PRKCA: variants seen among roughly 807,000 people sequenced by gnomAD.
PRKCA encodes protein kinase C alpha.
Under a neutral mutation model 87.0 loss-of-function variants are expected in PRKCA, and 27 were observed. The observed-to-expected ratio is 0.31, with a 90% CI of 0.23 to 0.43. The LOEUF (loss-of-function observed/expected upper bound fraction) is 0.43, where lower values mean the gene tolerates loss of function less well. Ranked by LOEUF, PRKCA falls within the 20% of genes least tolerant of loss-of-function variation. The pLI is 1.00. For synonymous variants in PRKCA, 329 were observed against 311.1 expected, an observed-to-expected ratio of 1.06 and a Z score of -0.61; for missense variants, 518 against 852.3, an observed-to-expected ratio of 0.61 and a Z score of 4.88.
intron 3 of PRKCA, among the ~76,000 whole-genome samples, chr17:66,615,446 T>C (rs1970489273): frequency 1.3e-5 from 2 of 152,158 alleles, no homozygotes; most frequent in Admixed American, 1.3e-4. Flanking sequence ...GTGAACCTTG[T>C]ATGTAGCTCT....
intron 2 of PRKCA, among the ~76,000 whole-genome samples, chr17:66,388,584 T>A (rs1312869106): frequency 6.6e-6 from 1 of 152,210 alleles, no homozygotes; most frequent in African/African-American, 2.4e-5. Context: ...CATGAGCCAC[T>A]GTGCCCAGCC....
chr17:66,723,395 G>A lies in PRKCA; in HGVS notation c.919-9293G>A, dbSNP rs1370093378. ...TGTAATCCCAACACTTTGGGAGGCT[G>A]AGGCAGGTGGATCACTTGAGGTCAG... On this transcript the variant is annotated intron_variant, in intron 8 of 16. Coordinates refer to ENST00000413366, the MANE Select transcript of PRKCA (RefSeq NM_002737.3). Among the ~76,000 whole-genome samples, 4 of 152,328 alleles carry A rather than the reference G, an allele frequency of 2.6e-5. No individual in the cohort carries two copies. In the South Asian group the frequency reaches 6.2e-4, roughly 24 times the overall value.
chr17:66,530,270 G>A (rs1476053278), intron 3 of PRKCA, among the ~76,000 whole-genome samples: 2 of 152,150 alleles, frequency 1.3e-5, no homozygotes, highest in Non-Finnish European at 2.9e-5. Context: ...ACACATGAAT[G>A]TATTTTATTG....
intron 3 of PRKCA, among the ~76,000 whole-genome samples, chr17:66,533,566 T>C (rs1044274340): frequency 6.6e-6 from 1 of 152,166 alleles, no homozygotes; most frequent in African/African-American, 2.4e-5. Context: ...CGTGGTAGGG[T>C]CAGCCTTCTG....
At chr17:66,324,157 A>G (rs1301345156) in intron 2 of PRKCA, among the ~76,000 whole-genome samples, 1 of 152,164 alleles carries the variant, frequency 6.6e-6, no homozygotes, top group Non-Finnish European at 1.5e-5. Flanking sequence ...ATGGTCAATA[A>G]CACTTGGACC....
chr17:66,707,738 C>G (rs1287069388), intron 8 of PRKCA, among the ~76,000 whole-genome samples: 1 of 152,096 alleles, frequency 6.6e-6, no homozygotes, highest in African/African-American at 2.4e-5. Flanking sequence ...GACCTTGTAC[C>G]TTATCTCCAC....
At chr17:66,522,503 G>T (rs565702485) in intron 3 of PRKCA, among the ~76,000 whole-genome samples, 3 of 152,094 alleles carry the variant, frequency 2.0e-5, no homozygotes, top group Non-Finnish European at 2.9e-5. Context: ...GGATGGAAAT[G>T]GAAGCTCCTG....
chr17:66,375,416 G>T (rs554229928), intron 2 of PRKCA, among the ~76,000 whole-genome samples: 2 of 152,296 alleles, frequency 1.3e-5, no homozygotes, highest in South Asian at 4.1e-4. Context: ...TATAGTGATG[G>T]ATGCTTCATT....
chr17:66,482,350 A>G (rs1321495804), intron 2 of PRKCA, among the ~76,000 whole-genome samples: 1 of 152,156 alleles, frequency 6.6e-6, no homozygotes, highest in Non-Finnish European at 1.5e-5. Flanking sequence ...GAGGTAAGGA[A>G]GAATCATGAG....
intron 16 of PRKCA, among the ~76,000 whole-genome samples, chr17:66,799,863 G>A (rs989010924): frequency 3.9e-5 from 6 of 152,002 alleles, no homozygotes; most frequent in Admixed American, 6.5e-5. Flanking sequence ...AAAAGGAGAC[G>A]ATGTTTCTCA....
At chr17:66,354,535 C>A (rs1185946184) in intron 2 of PRKCA, among the ~76,000 whole-genome samples, 1 of 152,018 alleles carries the variant, frequency 6.6e-6, no homozygotes, top group Non-Finnish European at 1.5e-5. Context: ...GATTAAAACC[C>A]CTCTTCATTT....
intron 8 of PRKCA, among the ~76,000 whole-genome samples, chr17:66,705,798 C>T (rs903252705): frequency 6.6e-6 from 1 of 152,126 alleles, no homozygotes; most frequent in African/African-American, 2.4e-5. Flanking sequence ...TAAACATTGG[C>T]ACAAGTCTTC....
At chr17:66,768,264 G>T (rs1445836896) in intron 13 of PRKCA, among the ~76,000 whole-genome samples, 13 of 127,880 alleles carry the variant, frequency 1.0e-4, no homozygotes, top group South Asian at 2.5e-4. Flanking sequence ...TTTTTTTTGG[G>T]GGGGAGAGAT....
At chr17:66,720,900 G>A (rs897844412) in intron 8 of PRKCA, among the ~76,000 whole-genome samples, 3 of 152,060 alleles carry the variant, frequency 2.0e-5, no homozygotes, top group Non-Finnish European at 4.4e-5. Context: ...CCTTATTTTC[G>A]AGAATGCTAA....
chr17:66,552,314 A>G (rs55871645), intron 3 of PRKCA, among the ~76,000 whole-genome samples: 8,889 of 152,206 alleles, frequency 0.058, 336 homozygotes, highest in Non-Finnish European at 0.084. Flanking sequence ...AAACAAAAAG[A>G]TGTATTTGTT....
At chr17:66,737,328 A>C (rs184374135) in intron 10 of PRKCA, among the ~76,000 whole-genome samples, 140 of 152,232 alleles carry the variant, frequency 9.2e-4, no homozygotes, top group African/African-American at 3.0e-3. Context: ...GCGCCACTGC[A>C]CTCCAGCCTG....
chr17:66,520,852 G>C (rs1967137297), intron 3 of PRKCA, among the ~76,000 whole-genome samples: 1 of 152,106 alleles, frequency 6.6e-6, no homozygotes, highest in African/African-American at 2.4e-5. Context: ...AGTACCACTT[G>C]CCACTGCTAT....
chr17:66,346,769 T>C (rs1907400274), intron 2 of PRKCA, among the ~76,000 whole-genome samples: 1 of 152,050 alleles, frequency 6.6e-6, no homozygotes, highest in Non-Finnish European at 1.5e-5. Flanking sequence ...TGACTCACGC[T>C]TGTAATCCCA....
At chr17:66,786,486 C>T (rs540054785) in intron 14 of PRKCA, among the ~76,000 whole-genome samples, 53 of 152,316 alleles carry the variant, frequency 3.5e-4, no homozygotes, top group Non-Finnish European at 6.6e-4. Context: ...CGGCCACCCC[C>T]ACCTTCTGAC....
Sources: gnomAD v4.1 joint callset for allele counts (sites outside exome capture counted in the v4.1 genomes callset) on GRCh38, gnomAD v4.1.1 for gene constraint, MANE v1.5 for transcripts, NCBI Gene and HGNC (gene_info 2026-07-23, HGNC 2026-07-21) for gene names.